KATNB1: variants seen among roughly 807,000 people sequenced by gnomAD.
KATNB1 encodes the protein katanin regulatory subunit B1, also known as katanin p80 WD40 repeat-containing subunit B1.
In KATNB1, 38 loss-of-function variants were observed where a neutral mutation model predicts 82.3. The observed-to-expected ratio is 0.46, with a 90% CI of 0.36 to 0.61. The LOEUF (loss-of-function observed/expected upper bound fraction) is 0.61, where lower values mean the gene tolerates loss of function less well. Among genes scored for constraint, KATNB1 ranks in the 20% least tolerant of loss-of-function variants. The pLI, the probability that KATNB1 is intolerant of heterozygous loss-of-function variation, is 0.00. For synonymous variants in KATNB1, 361 were observed against 368.7 expected (o/e 0.98, Z 0.24); for missense variants, 749 against 915.7 (o/e 0.82, Z 2.35).
intron 2 of KATNB1, 139 bp downstream of exon 2, chr16:57,737,422 T>G: frequency 1.1e-6 from 1 of 934,784 alleles, no homozygotes; most frequent in Non-Finnish European, 1.6e-6. Flanking sequence ...TAGACCATTA[T>G]GTAAATCATG....
At chr16:57,756,744 C>T (rs570917248) in intron 19 of KATNB1, 70 bp from the exon 20 acceptor site, 54 of 1,472,948 alleles carry the variant, frequency 3.7e-5, no homozygotes, top group Non-Finnish European at 9.0e-7. Context: ...GTTAGGACAG[C>T]AAAGGCCCTG....
In KATNB1 at chr16:57,738,663, ATGT is replaced by A. The variant is rs374108834; in HGVS notation, c.40+1385_40+1387del. Among the ~76,000 whole-genome samples, 134 of 152,232 alleles carry A rather than the reference ATGT, an allele frequency of 8.8e-4. 3 individuals are homozygous for A. In the East Asian group the frequency reaches 0.019, roughly 22 times the overall value. ...AAAGTGAGAGGTTTGGGCCATTTTC[ATGT>A]TGTTCCCCAAAACTCTAGGGCTCTG... On this transcript the variant is annotated intron_variant, in intron 2 of 19. Coordinates refer to ENST00000379661, the MANE Select transcript of KATNB1 (RefSeq NM_005886.3).
At chr16:57,749,391 T>G (rs1446062614) in intron 4 of KATNB1, among the ~76,000 whole-genome samples, 6 of 152,218 alleles carry the variant, frequency 3.9e-5, no homozygotes, top group Non-Finnish European at 8.8e-5. Flanking sequence ...TATTGTCTGA[T>G]GCCAGAGCCC....
In KATNB1 at chr16:57,754,075, C is replaced by T. The variant is rs2049255028; in HGVS notation, c.1228+80C>T. ...CTTCTCTTCCTGTGAACCCTCCCAA[C>T]AAGCCCCTTCCCAGGACCCTCCCCT... On this transcript the variant is annotated intron_variant, in intron 13 of 19. Coordinates refer to ENST00000379661, the MANE Select transcript of KATNB1 (RefSeq NM_005886.3). 1.6e-6 allele frequency: 2 copies of T among 1,232,088 alleles called. 1 individual carries two copies. The highest frequency in any genetic ancestry group is 2.4e-6 in the Non-Finnish European group (2 of 848,602). 76.3% of individuals were successfully genotyped at this position (1,232,088 alleles called of 1,614,324 possible). A position where few individuals can be genotyped will look rare whatever the true frequency, so the allele number is the denominator to read the frequency against.
Position 57,752,797 on chromosome 16 carries a change from G to GACGGCTGCTGCCTGT in KATNB1, c.727_741dup (p.Gly243_Tyr247dup), listed in dbSNP as rs1555583864. 1 of 1,610,910 alleles carries GACGGCTGCTGCCTGT rather than the reference G, an allele frequency of 6.2e-7. No homozygotes were observed. Among genetic ancestry groups the GACGGCTGCTGCCTGT allele is most frequent in the African/African-American group, 1.3e-5 (1 of 74,894 alleles). On this transcript the variant is annotated inframe_insertion, in exon 10 of 20. Coordinates refer to ENST00000379661, the MANE Select transcript of KATNB1 (RefSeq NM_005886.3). Reference sequence around the variant, plus strand: ...GCCCAGGAGCGTCCTCTTCAACCCAGACGGCTGCTGCCTGTACAGCGGCTG... The same window carrying GACGGCTGCTGCCTGT: ...GCCCAGGAGCGTCCTCTTCAACCCAGACGGCTGCTGCCTGTACGGCTGCTGCCTGTACAGCGGCTG...
In KATNB1 at chr16:57,750,382, C is replaced by T. The variant is rs113946499; in HGVS notation, c.290-445C>T. ...CAGTGGCTCACACCTGTAATACCAG[C>T]GCTTTGGGAGGCCAAGGCGGGTGGA... On this transcript the variant is annotated intron_variant, in intron 4 of 19. Coordinates refer to ENST00000379661, the MANE Select transcript of KATNB1 (RefSeq NM_005886.3). Among the ~76,000 whole-genome samples, 294 of 152,300 alleles carry T rather than the reference C, an allele frequency of 1.9e-3. 3 individuals carry two copies. The highest frequency in any genetic ancestry group is 6.4e-3 in the African/African-American group (265 of 41,556).
intron 8 of KATNB1, 94 bp from the exon 9 acceptor site, chr16:57,752,436 G>A (rs1302461878): frequency 8.6e-7 from 1 of 1,166,636 alleles, no homozygotes; most frequent in South Asian, 1.3e-5. Flanking sequence ...CCTGCCCTGG[G>A]GGAGAGGTTT....
chr16:57,744,351 G>C (rs782786995), intron 3 of KATNB1, 43 bp from the exon 4 acceptor site: 3 of 1,506,672 alleles, frequency 2.0e-6, no homozygotes, highest in Non-Finnish European at 2.8e-6. Context: ...AACTGCAGGG[G>C]TCTGTCCAGC....
At chr16:57,754,872 T>C (rs1194437610) in intron 13 of KATNB1, 58 bp from the exon 14 acceptor site, 51 of 1,575,202 alleles carry the variant, frequency 3.2e-5, no homozygotes, top group Non-Finnish European at 4.4e-5. Context: ...CCCTGAGCCC[T>C]GCCCTTCTTG....
chr16:57,749,416 G>C (rs1001557238), intron 4 of KATNB1, among the ~76,000 whole-genome samples: 2 of 152,192 alleles, frequency 1.3e-5, no homozygotes, highest in African/African-American at 2.4e-5. Flanking sequence ...CCTGACTTTG[G>C]GGGTAGAGAA....
intron 3 of KATNB1, among the ~76,000 whole-genome samples, chr16:57,743,079 A>G (rs2967151): frequency 0.96 from 146,685 of 152,294 alleles, 70,898 homozygotes; most frequent in African/African-American, 0.99. Flanking sequence ...GATCACCTGA[A>G]GTCAGGAGTT....
chr16:57,751,534 G>A lies in KATNB1; in HGVS notation c.433-107G>A. On this transcript the variant is annotated intron_variant, in intron 6 of 19. Transcript: ENST00000379661. This position sits in a 1 kb window ranked among gnomAD's most constrained non-coding sequence, Gnocchi z 6.3. Reference sequence around the variant, plus strand: ...AAACTGCTCCAAGCAGAACCAGGCGGGTAACCAGTGTTGTTAGATGGAAGG... The same window carrying A: ...AAACTGCTCCAAGCAGAACCAGGCGAGTAACCAGTGTTGTTAGATGGAAGG... The A allele has an allele frequency of 2.7e-6, 3 of 1,120,404 alleles. No individual in the cohort carries two copies. Among genetic ancestry groups the A allele is most frequent in the Non-Finnish European group, 4.0e-6 (3 of 744,606 alleles). The allele number at this position is 1,120,404 out of a possible 1,614,324, so 69.4% of individuals were successfully genotyped here.
intron 2 of KATNB1, among the ~76,000 whole-genome samples, chr16:57,739,158 A>G (rs1192694059): frequency 6.6e-6 from 1 of 152,194 alleles, no homozygotes; most frequent in East Asian, 1.9e-4. Flanking sequence ...GTGCTTTATC[A>G]TAAAGGCAAG....
Position 57,740,440 on chromosome 16 carries a change from ACACC to A in KATNB1, c.41-1244_41-1241del, listed in dbSNP as rs563176202. On this transcript the variant is annotated intron_variant, in intron 2 of 19. Coordinates refer to ENST00000379661, the MANE Select transcript of KATNB1 (RefSeq NM_005886.3). ...TTGTGGTCTGAAGCCCGCAGCAGAG[ACACC>A]CAGGCAGGGTGGAGTCGGAGCTGGG... Among the ~76,000 whole-genome samples, 9 of 152,282 alleles carry A rather than the reference ACACC, an allele frequency of 5.9e-5. No homozygotes were observed. The South Asian group carries it at 1.9e-3, about 32-fold the overall frequency.
Position 57,737,103 on chromosome 16 carries a change from G to A in KATNB1, c.-141G>A, listed in dbSNP as rs755321066. ...ACCACGAGGCACCCCAGGGCCAGAAGACGAGGCATTCTGTCTGCCTGGATG... is the reference window on the plus strand; with the variant it reads ...ACCACGAGGCACCCCAGGGCCAGAAAACGAGGCATTCTGTCTGCCTGGATG... On this transcript the variant is annotated 5_prime_UTR_variant, in exon 2 of 20. Coordinates refer to ENST00000379661, the MANE Select transcript of KATNB1 (RefSeq NM_005886.3). 5.8e-6 allele frequency: 6 copies of A among 1,040,644 alleles called. No homozygotes were observed. The highest frequency in any genetic ancestry group is 1.5e-6 in the Non-Finnish European group (1 of 689,154). The allele number at this position is 1,040,644 out of a possible 1,614,324, so 64.5% of individuals were successfully genotyped here. A position where few individuals can be genotyped will look rare whatever the true frequency, so the allele number is the denominator to read the frequency against.
chr16:57,756,646 A>G (rs2049289041), intron 19 of KATNB1, 168 bp from the exon 20 acceptor site: 1 of 1,274,558 alleles, frequency 7.8e-7, no homozygotes, highest in Non-Finnish European at 1.1e-6. Flanking sequence ...GGGTTCCTCC[A>G]TGGCCTGGCT....
Position 57,756,960 on chromosome 16 carries a change from C to G in KATNB1, c.*14C>G. 6.6e-7 allele frequency: 1 copy of G among 1,504,870 alleles called. No homozygotes were observed. Among genetic ancestry groups the G allele is most frequent in the Non-Finnish European group, 8.9e-7 (1 of 1,121,506 alleles). The allele number at this position is 1,504,870 out of a possible 1,614,324, so 93.2% of individuals were successfully genotyped here. On this transcript the variant is annotated 3_prime_UTR_variant, in exon 20 of 20. Transcript: ENST00000379661. ...AGTCTGGACTGAGGAAAGCAGTGGG[C>G]AGGGGCGCTCGGCAGCCCACAGGGC...
In KATNB1 at chr16:57,753,945, G is replaced by A. The variant is rs551982655; in HGVS notation, c.1178G>A (p.Ser393Asn). Residue 393 changes from serine (S) to asparagine (N), a missense_variant and splice_region_variant, in exon 13 of 20, where the codon AGT (serine) becomes AAT (asparagine). This residue lies in a region of KATNB1 where 407 missense variants were observed against 434.7 expected (regional missense o/e 0.94). Coordinates refer to ENST00000379661, the MANE Select transcript of KATNB1 (RefSeq NM_005886.3). The stretch of plus-strand genomic sequence containing the variant: ...AGCCAGGGGCCTCTTTCCTCTGCAG[G>A]TCGGACGCCACCCCGGAGAAGTGAG... ...NEIFQPKNSI[S>N]RTPPRRSEPF... 6.2e-7 allele frequency: 1 copy of A among 1,613,444 alleles called. No individual in the cohort carries two copies. The highest frequency in any genetic ancestry group is 1.3e-5 in the African/African-American group (1 of 75,004).
At position 57,737,075 on chromosome 16, in the gene KATNB1, G is replaced by T; in HGVS notation, c.-169G>T. ...CTGCTGTTGCTGCTGTGGGTAATTT[G>T]GAACCACGAGGCACCCCAGGGCCAG... On this transcript the variant is annotated 5_prime_UTR_variant, in exon 2 of 20. Transcript: ENST00000379661. 1.3e-6 allele frequency: 1 copy of T among 784,404 alleles called. No homozygotes were observed. 48.6% of individuals were successfully genotyped at this position (784,404 alleles called of 1,614,324 possible).
Sources: allele counts gnomAD v4.1 joint callset (sites outside exome capture counted in the v4.1 genomes callset), GRCh38; gene constraint gnomAD v4.1.1; regional missense constraint gnomAD v4.1.1; non-coding constraint Gnocchi (gnomAD v3.1); transcripts MANE v1.5; gene names NCBI Gene and HGNC (gene_info 2026-07-23, HGNC 2026-07-21).